The following LRGUK variants were observed in gnomAD, a reference collection of about 807,000 sequenced individuals.
LRGUK encodes the protein leucine-rich repeat and guanylate kinase domain-containing protein.
A neutral mutation model predicts 76.0 loss-of-function variants in LRGUK; 65 were observed. The ratio of observed to expected loss-of-function variants is 0.85; its 90% CI spans 0.70 to 1.05. LRGUK has a LOEUF of 1.05. Ranked by LOEUF, LRGUK falls within the 50% of genes least tolerant of loss-of-function variation. The pLI is 0.00. For missense variants in LRGUK, 758 were observed against 732.8 expected (o/e 1.03, Z -0.40); for synonymous variants, 268 against 265.6 (o/e 1.01, Z -0.09).
At chr7:134,142,100 AGCACTTC>A (rs1207200441) in intron 3 of LRGUK, among the ~76,000 whole-genome samples, 2 of 152,190 alleles carry the variant, frequency 1.3e-5, no homozygotes, top group Non-Finnish European at 2.9e-5. Context: ...GAAAGGTAGA[AGCACTTC>A]GCTTGGCTTC....
chr7:134,238,218 A>G (rs1802058788), intron 16 of LRGUK, among the ~76,000 whole-genome samples: 3 of 152,268 alleles, frequency 2.0e-5, no homozygotes, highest in Admixed American at 6.5e-5. Context: ...TTTACTAGAT[A>G]CAAGAGGGAT....
At chr7:134,144,148 C>G (rs890755403) in intron 4 of LRGUK, among the ~76,000 whole-genome samples, 1 of 152,190 alleles carries the variant, frequency 6.6e-6, no homozygotes, top group African/African-American at 2.4e-5. Context: ...CAACTTCAGC[C>G]TCCTGGGCTC....
At chr7:134,230,799 T>A (rs1801871335) in intron 16 of LRGUK, among the ~76,000 whole-genome samples, 1 of 152,156 alleles carries the variant, frequency 6.6e-6, no homozygotes, top group Non-Finnish European at 1.5e-5. Context: ...AACCACAGTA[T>A]TTAGGGAAGC....
At chr7:134,246,640 C>G (rs1397617420) in intron 16 of LRGUK, among the ~76,000 whole-genome samples, 2 of 152,086 alleles carry the variant, frequency 1.3e-5, no homozygotes, top group Non-Finnish European at 2.9e-5. Context: ...TATAGTGGAG[C>G]CTGGTAATGA....
intron 16 of LRGUK, among the ~76,000 whole-genome samples, chr7:134,230,935 A>C (rs1801873633): frequency 6.6e-6 from 1 of 152,184 alleles, no homozygotes; most frequent in African/African-American, 2.4e-5. Flanking sequence ...AGATGCTGGC[A>C]ATTGTTTGTG....
intron 16 of LRGUK, among the ~76,000 whole-genome samples, chr7:134,230,957 G>A (rs1189823637): frequency 6.6e-6 from 1 of 152,158 alleles, no homozygotes; most frequent in African/African-American, 2.4e-5. Flanking sequence ...GGTTTACGAG[G>A]CCACCTGGTG....
chr7:134,251,840 C>T (rs577340368), intron 18 of LRGUK, among the ~76,000 whole-genome samples: 57 of 152,102 alleles, frequency 3.7e-4, no homozygotes, highest in Non-Finnish European at 6.8e-4. Flanking sequence ...AAGAGAAGAT[C>T]CCATGCATAG....
At chr7:134,194,351 A>G (rs1436183768) in intron 12 of LRGUK, among the ~76,000 whole-genome samples, 1 of 152,188 alleles carries the variant, frequency 6.6e-6, no homozygotes, top group Non-Finnish European at 1.5e-5. Flanking sequence ...CTTACAGTAT[A>G]TATCTGAAAA....
chr7:134,247,467 C>A, intron 16 of LRGUK, 89 bp from the exon 17 acceptor site: 2 of 880,724 alleles, frequency 2.3e-6, no homozygotes, highest in African/African-American at 1.7e-5. Flanking sequence ...ATTTGTCAAT[C>A]TCTAGTACCA....
At chr7:134,131,836 T>A (rs938119147) in intron 1 of LRGUK, among the ~76,000 whole-genome samples, 4 of 151,602 alleles carry the variant, frequency 2.6e-5, no homozygotes, top group African/African-American at 9.7e-5. Flanking sequence ...AGGGGAGAGA[T>A]CTCAGAGTAG....
At chr7:134,265,686 C>G (rs140434187), downstream of LRGUK, among the ~76,000 whole-genome samples, 2 of 152,194 alleles carry the variant, frequency 1.3e-5, no homozygotes, top group Non-Finnish European at 2.9e-5. Flanking sequence ...TCCTCCTTCT[C>G]TCTGCTGGGA....
chr7:134,230,410 A>G (rs1017480356), intron 16 of LRGUK, among the ~76,000 whole-genome samples: 1 of 152,210 alleles, frequency 6.6e-6, no homozygotes, highest in Admixed American at 6.5e-5. Context: ...AAATTGGTAT[A>G]CCTTGGAAAA....
rs141999162 is a variant in LRGUK at position 134,198,206 on chromosome 7, A to G, written c.1546-1014A>G. On this transcript the variant is annotated intron_variant, in intron 13 of 15. Coordinates refer to ENST00000645682, the Ensembl canonical transcript of LRGUK. Reference sequence around the variant, plus strand: ...TTTAAGGAATGTTTTCTTTGTTTCTATAATAACTAGCAAAAATAAAAGGTC... The same window carrying G: ...TTTAAGGAATGTTTTCTTTGTTTCTGTAATAACTAGCAAAAATAAAAGGTC... Among the ~76,000 whole-genome samples the G allele has an allele frequency of 5.2e-3, 794 of 152,308 alleles. 6 individuals carry two copies. Among genetic ancestry groups the G allele is most frequent in the African/African-American group, 0.018 (750 of 41,566 alleles).
intron 2 of LRGUK, among the ~76,000 whole-genome samples, chr7:134,137,695 A>G (rs901765092): frequency 1.3e-5 from 2 of 152,198 alleles, no homozygotes; most frequent in African/African-American, 4.8e-5. Context: ...AATTTTATCA[A>G]AAGAGAGGCT....
intron 14 of LRGUK, among the ~76,000 whole-genome samples, chr7:134,199,810 A>G (rs1800673489): frequency 6.6e-6 from 1 of 151,530 alleles, no homozygotes; most frequent in African/African-American, 2.4e-5. Flanking sequence ...TCAAAATATT[A>G]TAACTTAAAA....
intron 5 of LRGUK, among the ~76,000 whole-genome samples, chr7:134,152,354 T>C (rs1798256597): frequency 6.6e-6 from 1 of 152,036 alleles, no homozygotes; most frequent in African/African-American, 2.4e-5. Flanking sequence ...CAAAACTCTA[T>C]TTAAGGGTGT....
intron 4 of LRGUK, among the ~76,000 whole-genome samples, chr7:134,145,201 C>G (rs1200172836): frequency 6.6e-6 from 1 of 151,768 alleles, no homozygotes; most frequent in Non-Finnish European, 1.5e-5. Context: ...TCTGTGTAGA[C>G]CTGGGAAGGA....
intron 18 of LRGUK, 121 bp downstream of exon 18, chr7:134,249,197 C>T: frequency 8.7e-7 from 1 of 1,146,080 alleles, no homozygotes; most frequent in Non-Finnish European, 1.2e-6. Flanking sequence ...CTAACTCCCG[C>T]TGTAGAATTT....
chr7:134,192,216 G>A (rs550136412), intron 12 of LRGUK, among the ~76,000 whole-genome samples: 1 of 152,272 alleles, frequency 6.6e-6, no homozygotes, highest in Admixed American at 6.5e-5. Flanking sequence ...ACAACCCTAA[G>A]CACCATTTCA....
Sources: gnomAD v4.1 joint callset for allele counts (sites outside exome capture counted in the v4.1 genomes callset) on GRCh38, gnomAD v4.1.1 for gene constraint, MANE v1.5 for transcripts, NCBI Gene and HGNC (gene_info 2026-07-23, HGNC 2026-07-21) for gene names.